Variants in RNF216 observed in about 807,000 individuals in gnomAD.
RNF216 encodes ring finger protein 216.
A neutral mutation model predicts 110.8 loss-of-function variants in RNF216; 72 were observed. The observed-to-expected ratio is 0.65, with a 90% confidence interval of 0.54 to 0.79. The LOEUF (loss-of-function observed/expected upper bound fraction) is 0.79, where lower values mean the gene tolerates loss of function less well. Ranked by LOEUF, RNF216 falls within the 30% of genes least tolerant of loss-of-function variation. The pLI is 0.00. For missense variants in RNF216, 1,342 were observed against 1,141.2 expected (o/e 1.18, Z -2.54); for synonymous variants, 495 against 407.5 (o/e 1.21, Z -2.59).
chr7:5,780,335 G>A (rs551832874), intron 1 of RNF216: 1 of 152,088 alleles, frequency 6.6e-6, no homozygotes, highest in Non-Finnish European at 1.5e-5. Flanking sequence ...CACCCTCTAC[G>A]TCACAGTGCT....
intron 13 of RNF216, among the ~76,000 whole-genome samples, chr7:5,707,763 GC>G (rs1792394360): frequency 8.0e-6 from 1 of 124,406 alleles, no homozygotes; most frequent in South Asian, 2.7e-4. Flanking sequence ...TCACTCTGTC[GC>G]CCAGGCTGGA....
intron 13 of RNF216, among the ~76,000 whole-genome samples, chr7:5,698,657 G>C (rs1415372606): frequency 6.6e-6 from 1 of 152,124 alleles, no homozygotes; most frequent in African/African-American, 2.4e-5. Context: ...TTCTCCCAAA[G>C]TGCTGGAATT....
chr7:5,631,779 A>C (rs1198155528), intron 15 of RNF216, among the ~76,000 whole-genome samples: 1 of 152,250 alleles, frequency 6.6e-6, no homozygotes, highest in African/African-American at 2.4e-5. Context: ...CTCACCAGAG[A>C]TCAATCCTGG....
At chr7:5,767,515 C>G (rs1350492722) in intron 1 of RNF216, among the ~76,000 whole-genome samples, 2 of 152,032 alleles carry the variant, frequency 1.3e-5, no homozygotes, top group African/African-American at 4.8e-5. Flanking sequence ...ATGCCACATA[C>G]ATGCAGGACT....
chr7:5,685,729 A>C (rs942155277), intron 13 of RNF216, among the ~76,000 whole-genome samples: 1 of 152,244 alleles, frequency 6.6e-6, no homozygotes, highest in Non-Finnish European at 1.5e-5. Context: ...CCAGCACTGC[A>C]GATGCCCATC....
rs1489120054 is a variant in RNF216 at position 5,663,409 on chromosome 7, G to A, written c.2062-10899C>T. 2.0e-5 allele frequency among the ~76,000 whole-genome samples: 3 copies of A among 151,920 alleles called. 1 individual carries two copies. The highest frequency in any genetic ancestry group is 4.2e-4 in the South Asian group (2 of 4,794). On this transcript the variant is annotated intron_variant, in intron 13 of 16. Transcript: ENST00000389902. Reference sequence around the variant, plus strand: ...TCCTGGCTAACACGGTGAAACCCCCGTCTCTACTAAAAACACAAAAACAAA... The same window carrying A: ...TCCTGGCTAACACGGTGAAACCCCCATCTCTACTAAAAACACAAAAACAAA...
chr7:5,721,802 G>A (rs1253768185), intron 8 of RNF216, among the ~76,000 whole-genome samples: 1 of 152,186 alleles, frequency 6.6e-6, no homozygotes, highest in African/African-American at 2.4e-5. Context: ...AGGGGCTGAA[G>A]GAACAGTACC....
chr7:5,642,279 C>A (rs1459517368), intron 14 of RNF216, among the ~76,000 whole-genome samples: 3 of 151,274 alleles, frequency 2.0e-5, no homozygotes, highest in Admixed American at 6.6e-5. Context: ...GTGGCTCCAT[C>A]TCAGCTCACT....
chr7:5,743,759 T>C (rs757556752), intron 3 of RNF216, among the ~76,000 whole-genome samples: 82 of 152,248 alleles, frequency 5.4e-4, no homozygotes, highest in African/African-American at 1.8e-3. Flanking sequence ...AGAAAGGAGA[T>C]GGTGAATCTC....
At chr7:5,705,893 G>A (rs1307861992) in intron 13 of RNF216, among the ~76,000 whole-genome samples, 2 of 150,026 alleles carry the variant, frequency 1.3e-5, no homozygotes, top group Non-Finnish European at 3.0e-5. Flanking sequence ...GGCAAGAAGA[G>A]CGAAACTCCA....
At chr7:5,689,364 A>G (rs1439344356) in intron 13 of RNF216, among the ~76,000 whole-genome samples, 1 of 105,632 alleles carries the variant, frequency 9.5e-6, no homozygotes, top group Admixed American at 8.9e-5. Context: ...TGTAGTATTA[A>G]AAAAAAAAAA....
intron 13 of RNF216, among the ~76,000 whole-genome samples, chr7:5,674,426 G>C (rs1333547391): frequency 6.6e-6 from 1 of 151,566 alleles, no homozygotes; most frequent in African/African-American, 2.4e-5. Context: ...CAAAGTGCTA[G>C]GATTACAGGA....
chr7:5,769,146 T>C (rs1021344003), intron 1 of RNF216, among the ~76,000 whole-genome samples: 1 of 149,782 alleles, frequency 6.7e-6, no homozygotes, highest in Non-Finnish European at 1.5e-5. Context: ...TTTGACGGAG[T>C]TCCCCTCTGT....
chr7:5,643,081 A>G (rs1246393741), intron 14 of RNF216, among the ~76,000 whole-genome samples: 1 of 152,120 alleles, frequency 6.6e-6, no homozygotes, highest in Non-Finnish European at 1.5e-5. Context: ...ATGGAGGGAG[A>G]AAAAAAGGCT....
At chr7:5,668,982 C>A (rs1789718553) in intron 13 of RNF216, among the ~76,000 whole-genome samples, 1 of 152,216 alleles carries the variant, frequency 6.6e-6, no homozygotes, top group Non-Finnish European at 1.5e-5. Flanking sequence ...CTAGTCATCT[C>A]CCCCAGGAAT....
Position 5,715,095 on chromosome 7 carries a change from A to T in RNF216, c.1791T>A (p.Cys597Ter), listed in dbSNP as rs387907369. The T allele has an allele frequency of 1.9e-5, 31 of 1,613,914 alleles. No homozygotes were observed. The highest frequency in any genetic ancestry group is 2.6e-5 in the Non-Finnish European group (31 of 1,179,986). ...CADAHLFCKE[C>*]LIRYAQEAVF... ...CTGCCTCTTGGGCATATCTGATGAG[A>T]CACTCTTTGCAGAACAAGTGAGCAT... The change falls in exon 11 of 17, where the codon TGT becomes TGA. Residue 597 changes from cysteine to a stop codon, truncating the protein, a stop_gained. Transcript: ENST00000389902. LOFTEE classifies it high-confidence loss of function.
chr7:5,744,729 T>C (rs749376001), intron 3 of RNF216, among the ~76,000 whole-genome samples: 2 of 152,150 alleles, frequency 1.3e-5, no homozygotes, highest in African/African-American at 2.4e-5. Flanking sequence ...TCCCAGCACT[T>C]TGGGAGCCTG....
intron 14 of RNF216, 114 bp downstream of exon 14, chr7:5,652,298 AG>A: frequency 1.3e-6 from 1 of 742,050 alleles, no homozygotes; most frequent in Non-Finnish European, 2.4e-6. Context: ...AGATCACTCC[AG>A]ACTGGGGTGG....
At chr7:5,763,214 C>T (rs941797546) in intron 1 of RNF216, among the ~76,000 whole-genome samples, 1 of 152,144 alleles carries the variant, frequency 6.6e-6, no homozygotes, top group African/African-American at 2.4e-5. Flanking sequence ...GGGAACCTTT[C>T]CGGGTTAAGT....
Sources: gnomAD v4.1 joint callset for allele counts (sites outside exome capture counted in the v4.1 genomes callset) on GRCh38, gnomAD v4.1.1 for gene constraint, MANE v1.5 for transcripts, NCBI Gene and HGNC (gene_info 2026-07-23, HGNC 2026-07-21) for gene names.